The following KIF13B variants were observed in gnomAD, a reference collection of about 807,000 sequenced individuals.
The protein encoded by KIF13B is kinesin-like protein KIF13B.
Under a neutral mutation model 222.0 loss-of-function variants are expected in KIF13B, and 127 were observed. The observed-to-expected ratio is 0.57, with a 90% CI of 0.50 to 0.66. The LOEUF (loss-of-function observed/expected upper bound fraction) is 0.66, where lower values mean the gene tolerates loss of function less well. Ranked by LOEUF, KIF13B falls within the 30% of genes least tolerant of loss-of-function variation. KIF13B has a pLI of 0.00. For missense variants in KIF13B, 2,173 were observed against 2,379.0 expected (o/e 0.91, Z 1.80); for synonymous variants, 976 against 919.0 (o/e 1.06, Z -1.12).
At chr8:29,182,863 G>A (rs933990360) in intron 6 of KIF13B, among the ~76,000 whole-genome samples, 1 of 152,050 alleles carries the variant, frequency 6.6e-6, no homozygotes, top group African/African-American at 2.4e-5. Context: ...GCTGAGAGTA[G>A]ACAGACTTTA....
At chr8:29,075,481 A>G in intron 37 of KIF13B, 138 bp from the exon 38 acceptor site, 1 of 705,072 alleles carries the variant, frequency 1.4e-6, no homozygotes, top group Non-Finnish European at 2.3e-6. Context: ...GAGGGGCTCC[A>G]CACCCTCCAA....
intron 12 of KIF13B, among the ~76,000 whole-genome samples, chr8:29,161,434 G>A (rs1811768463): frequency 6.6e-6 from 1 of 152,348 alleles, no homozygotes; most frequent in Non-Finnish European, 1.5e-5. Context: ...GCTGGGTGTG[G>A]TGGCTCATGC....
At chr8:29,149,141 CA>C (rs1280865832) in intron 15 of KIF13B, among the ~76,000 whole-genome samples, 1 of 152,148 alleles carries the variant, frequency 6.6e-6, no homozygotes, top group Non-Finnish European at 1.5e-5. Flanking sequence ...TGGAAATGTT[CA>C]TATTCCCTGG....
At chr8:29,177,851 G>T (rs931853786) in intron 8 of KIF13B, among the ~76,000 whole-genome samples, 1 of 152,244 alleles carries the variant, frequency 6.6e-6, no homozygotes, top group African/African-American at 2.4e-5. Flanking sequence ...CCAGGCTACA[G>T]TGAGCTATGA....
intron 13 of KIF13B, among the ~76,000 whole-genome samples, chr8:29,158,347 T>C (rs2130091732): frequency 6.6e-6 from 1 of 152,314 alleles, no homozygotes; most frequent in Non-Finnish European, 1.5e-5. Context: ...TGTGCCCAGG[T>C]AATCAAAATA....
In KIF13B at chr8:29,140,160, C is replaced by T. The variant is rs1221058237; in HGVS notation, c.2516G>A (p.Arg839Gln). Residue 839 changes from arginine to glutamine, a missense_variant, in exon 21 of 40, where the codon CGA becomes CAA. Arg to Gln is a conservative substitution (Grantham distance 43). This residue lies in a region of KIF13B where 1,480 missense variants were observed against 1,722.8 expected (regional missense o/e 0.86). Coordinates refer to ENST00000524189, the MANE Select transcript of KIF13B (RefSeq NM_015254.4). ...CCTCTCCCCAACATCACCACTGAGTCGCATCACCTCCACGTGCAGCCGACC... is the reference window on the plus strand; with the variant it reads ...CCTCTCCCCAACATCACCACTGAGTTGCATCACCTCCACGTGCAGCCGACC... ...VAGRLHVEVM[R>Q]LSGDVGERIA... 7 of 1,613,760 alleles carry T rather than the reference C, an allele frequency of 4.3e-6. No homozygotes were observed. Among genetic ancestry groups the T allele is most frequent in the African/African-American group, 1.3e-5 (1 of 75,042 alleles).
chr8:29,146,034 T>C, intron 18 of KIF13B: 1 of 487,802 alleles, frequency 2.1e-6, no homozygotes. Context: ...GGAGAAGGGG[T>C]TGTAGAGTGG....
chr8:29,170,542 C>A (rs1007401958), intron 10 of KIF13B, among the ~76,000 whole-genome samples: 2 of 152,058 alleles, frequency 1.3e-5, no homozygotes, highest in Admixed American at 1.3e-4. Flanking sequence ...GAAAGTGACA[C>A]TTGAGACCCA....
At chr8:29,121,000 G>A (rs1399293478) in intron 29 of KIF13B, among the ~76,000 whole-genome samples, 2 of 115,774 alleles carry the variant, frequency 1.7e-5, no homozygotes, top group African/African-American at 6.7e-5. Flanking sequence ...GTCTGTTCAT[G>A]TCCTTCGCCC....
chr8:29,076,679 G>A (rs138599552), intron 37 of KIF13B, among the ~76,000 whole-genome samples: 1 of 152,226 alleles, frequency 6.6e-6, no homozygotes, highest in South Asian at 2.1e-4. Context: ...ATGACCACTC[G>A]TGCCTTGGGG....
chr8:29,169,642 A>G (rs961910456), intron 10 of KIF13B, among the ~76,000 whole-genome samples: 2 of 152,240 alleles, frequency 1.3e-5, no homozygotes, highest in South Asian at 4.1e-4. Context: ...GGGAAGAACT[A>G]TAACTAATTT....
chr8:29,236,936 T>TATGCTTATAGATAC (rs1815537643), intron 2 of KIF13B, among the ~76,000 whole-genome samples: 1 of 152,128 alleles, frequency 6.6e-6, no homozygotes. Context: ...TTTTTACTAG[T>TATGCTTATAGATAC]ATGCTTATAG....
At chr8:29,243,523 G>C (rs528100966) in intron 2 of KIF13B, among the ~76,000 whole-genome samples, 1 of 152,056 alleles carries the variant, frequency 6.6e-6, no homozygotes, top group Admixed American at 6.5e-5. Flanking sequence ...AGGCATGGTG[G>C]TGCACACCTG....
chr8:29,174,388 T>C (rs182626937), intron 10 of KIF13B, among the ~76,000 whole-genome samples: 53 of 152,370 alleles, frequency 3.5e-4, no homozygotes, highest in Admixed American at 1.8e-3. Flanking sequence ...TTGTTAGTCT[T>C]ACAGAAGCAG....
At chr8:29,224,114 C>G (rs1016061439) in intron 2 of KIF13B, among the ~76,000 whole-genome samples, 1 of 146,732 alleles carries the variant, frequency 6.8e-6, no homozygotes, top group Admixed American at 6.8e-5. Context: ...TTCTCCGCCT[C>G]CCGAGTAGCT....
In KIF13B at chr8:29,070,487, C is replaced by T. The variant is rs756903157; in HGVS notation, c.*17G>A. 9 of 1,607,952 alleles carry T rather than the reference C, an allele frequency of 5.6e-6. No homozygotes were observed. The highest frequency in any genetic ancestry group is 4.0e-5 in the African/African-American group (3 of 74,840). ...GGGGCCGGGCACCCCCAGAAAAGTT[C>T]GCCCTAAGGCAGCGGCTCAGCTGGC... On this transcript the variant is annotated 3_prime_UTR_variant, in exon 40 of 40. Transcript: ENST00000524189. This position sits in a 1 kb window ranked among gnomAD's most constrained non-coding sequence, Gnocchi z 4.1.
chr8:29,095,555 C>T (rs935688201), intron 36 of KIF13B, among the ~76,000 whole-genome samples: 6 of 152,064 alleles, frequency 3.9e-5, no homozygotes, highest in Non-Finnish European at 7.4e-5. Flanking sequence ...TCACCTGAGG[C>T]CTGGAGTTCG....
chr8:29,159,915 TAGTC>T (rs558044283), intron 13 of KIF13B, among the ~76,000 whole-genome samples: 10 of 152,194 alleles, frequency 6.6e-5, no homozygotes, highest in Non-Finnish European at 1.2e-4. Context: ...GTTTCCCACA[TAGTC>T]AGCCTGTTAG....
rs561001759 is a variant in KIF13B, at chr8:29,119,996, G to A, written c.3536-1004C>T. On this transcript the variant is annotated intron_variant, in intron 29 of 39. Transcript: ENST00000524189. The stretch of plus-strand genomic sequence containing the variant: ...AACGTTAATACATAGTTCTGCAGAT[G>A]TGTTAGGAATTTAACTGCTGACTTC... Among the ~76,000 whole-genome samples the A allele has an allele frequency of 5.9e-5, 9 of 152,272 alleles. No individual in the cohort carries two copies. In the East Asian group the frequency reaches 1.5e-3, roughly 26 times the overall value.
Sources: gnomAD v4.1 joint callset for allele counts (sites outside exome capture counted in the v4.1 genomes callset) on GRCh38, gnomAD v4.1.1 for gene constraint, gnomAD v4.1.1 regional missense constraint, Gnocchi (gnomAD v3.1) non-coding constraint, MANE v1.5 for transcripts, NCBI Gene and HGNC (gene_info 2026-07-23, HGNC 2026-07-21) for gene names.